The following NOSTRIN variants were observed in gnomAD, a reference collection of about 807,000 sequenced individuals.
NOSTRIN encodes the protein BM247 homolog.
NOSTRIN carries 63 observed loss-of-function variants against 59.0 expected under a neutral mutation model. That is an observed-to-expected ratio of 1.07 (90% confidence interval 0.87 to 1.32). The LOEUF is 1.32. Among genes scored for constraint, NOSTRIN ranks in the 40% most tolerant of loss-of-function variants. The pLI is 0.00. For synonymous variants in NOSTRIN, 200 were observed against 165.4 expected, an observed-to-expected ratio of 1.21 and a Z score of -1.61; for missense variants, 512 against 473.1, an observed-to-expected ratio of 1.08 and a Z score of -0.76.
chr2:168,794,133 G>A (rs1204321963), upstream of NOSTRIN, among the ~76,000 whole-genome samples: 2 of 152,144 alleles, frequency 1.3e-5, no homozygotes, highest in African/African-American at 4.8e-5. Flanking sequence ...TTCCTCCTTG[G>A]ATCTCTCGTT....
At chr2:168,842,286 C>G (rs1688151467) in intron 7 of NOSTRIN, among the ~76,000 whole-genome samples, 1 of 152,154 alleles carries the variant, frequency 6.6e-6, no homozygotes, top group African/African-American at 2.4e-5. Context: ...TCTGAGGCTG[C>G]TTCTGAGGCC....
At chr2:168,840,529 C>CAA (rs59235003) in intron 7 of NOSTRIN, among the ~76,000 whole-genome samples, 1,302 of 99,112 alleles carry the variant, frequency 0.013, 32 homozygotes, top group African/African-American at 0.039. Flanking sequence ...GACTCCATCT[C>CAA]AAAAAAAAAA....
At chr2:168,819,699 T>C (rs1410886088) in intron 2 of NOSTRIN, among the ~76,000 whole-genome samples, 1 of 152,094 alleles carries the variant, frequency 6.6e-6, no homozygotes, top group Non-Finnish European at 1.5e-5. Flanking sequence ...AATGCAAGAG[T>C]AGATGATTGC....
chr2:168,798,130 T>A (rs1369793794), upstream of NOSTRIN: 1 of 152,212 alleles, frequency 6.6e-6, no homozygotes, highest in South Asian at 2.1e-4. Context: ...TTGTTATTTT[T>A]AAAATTATTA....
chr2:168,789,136 C>CTT (rs1043620660), intron 2 of NOSTRIN, among the ~76,000 whole-genome samples: 3 of 152,122 alleles, frequency 2.0e-5, no homozygotes, highest in Non-Finnish European at 2.9e-5. Context: ...TGTGGAACAT[C>CTT]TTTTTGGGCC....
intron 8 of NOSTRIN, among the ~76,000 whole-genome samples, chr2:168,845,522 T>C (rs1458187085): frequency 1.3e-5 from 2 of 152,232 alleles, no homozygotes; most frequent in Non-Finnish European, 2.9e-5. Flanking sequence ...GGGAAGGCTA[T>C]GATTATCTTC....
In NOSTRIN at chr2:168,831,637, G is replaced by A. The variant is rs1687368620; in HGVS notation, c.405+103G>A. 3.0e-5 allele frequency: 21 copies of A among 700,990 alleles called. No individual in the cohort carries two copies. In the South Asian group the frequency reaches 3.5e-4, roughly 12 times the overall value. 43.4% of individuals were successfully genotyped at this position (700,990 alleles called of 1,614,324 possible). A position where few individuals can be genotyped will look rare whatever the true frequency, so the allele number is the denominator to read the frequency against. On this transcript the variant is annotated intron_variant, in intron 6 of 15. Coordinates refer to ENST00000317647, the MANE Select transcript of NOSTRIN (RefSeq NM_001039724.4). ...CATGTTCTAGCATTAGTACTTCTAA[G>A]TGCTAACTGAAGAGAAAAATGTTTC... is the stretch of plus-strand genomic sequence containing the variant.
intron 10 of NOSTRIN, among the ~76,000 whole-genome samples, chr2:168,853,637 C>G (rs1688902258): frequency 6.6e-6 from 1 of 152,200 alleles, no homozygotes; most frequent in African/African-American, 2.4e-5. Flanking sequence ...TTATGACTTG[C>G]ATTCCTTCAA....
intron 1 of NOSTRIN, among the ~76,000 whole-genome samples, chr2:168,806,526 T>C (rs557860944): frequency 2.6e-5 from 4 of 152,138 alleles, no homozygotes; most frequent in Non-Finnish European, 5.9e-5. Flanking sequence ...ATTTTCCTAA[T>C]GGCCGAATGG....
At chr2:168,846,370 G>A (rs978059567) in intron 8 of NOSTRIN, among the ~76,000 whole-genome samples, 2 of 151,922 alleles carry the variant, frequency 1.3e-5, no homozygotes, top group African/African-American at 2.4e-5. Flanking sequence ...TTCATTTTAG[G>A]GTCCTACGAA....
At chr2:168,848,336 C>G (rs78156587) in intron 8 of NOSTRIN, among the ~76,000 whole-genome samples, 1 of 152,178 alleles carries the variant, frequency 6.6e-6, no homozygotes, top group Non-Finnish European at 1.5e-5. Context: ...AGGGGACTGC[C>G]AGCGTAAACC....
chr2:168,839,539 C>CA (rs915440121), intron 7 of NOSTRIN, among the ~76,000 whole-genome samples: 1 of 151,106 alleles, frequency 6.6e-6, no homozygotes, highest in Non-Finnish European at 1.5e-5. Context: ...GTTCCAAGAG[C>CA]AAAAAAAGGG....
Position 168,855,638 on chromosome 2 carries a change from C to CAAAAA in NOSTRIN, c.964+190_964+194dup. The CAAAAA allele has an allele frequency of 1.2e-3, 140 of 116,206 alleles. 1 individual carries two copies. The highest frequency in any genetic ancestry group is 3.6e-3 in the African/African-American group (104 of 28,816). The allele number at this position is 116,206 out of a possible 1,614,324, so 7.2% of individuals were successfully genotyped here. A position where few individuals can be genotyped will look rare whatever the true frequency, so the allele number is the denominator to read the frequency against. ...AAAAAAGTAGAAGAAAAAAGAAAGC[C>CAAAAA]AAAAAAAAAAAAAAAAGGAAAATCA... On this transcript the variant is annotated intron_variant, in intron 11 of 15. Coordinates refer to ENST00000317647, the MANE Select transcript of NOSTRIN (RefSeq NM_001039724.4).
intron 1 of NOSTRIN, among the ~76,000 whole-genome samples, chr2:168,805,690 G>A (rs1352146098): frequency 4.6e-5 from 7 of 152,026 alleles, no homozygotes; most frequent in Admixed American, 1.3e-4. Context: ...GCATGTCATC[G>A]GCCATTGAAA....
intron 7 of NOSTRIN, among the ~76,000 whole-genome samples, 161 bp downstream of exon 7, chr2:168,834,486 GGCGT>G (rs1559122714): frequency 4.3e-5 from 2 of 46,500 alleles, no homozygotes; most frequent in African/African-American, 2.7e-4. Context: ...AATCATTACT[GGCGT>G]GCGCGCGCGC....
intron 7 of NOSTRIN, among the ~76,000 whole-genome samples, chr2:168,840,117 A>C (rs1687985107): frequency 6.6e-6 from 1 of 151,976 alleles, no homozygotes; most frequent in African/African-American, 2.4e-5. Flanking sequence ...ATCCGAGGAC[A>C]ATGATTTAGC....
chr2:168,854,976 C>A (rs895228653), intron 10 of NOSTRIN, among the ~76,000 whole-genome samples: 5 of 152,092 alleles, frequency 3.3e-5, no homozygotes, highest in Admixed American at 3.3e-4. Flanking sequence ...GAAACACATA[C>A]ATGATATTAC....
chr2:168,795,869 C>A (rs1386253838), upstream of NOSTRIN, among the ~76,000 whole-genome samples: 1 of 152,200 alleles, frequency 6.6e-6, no homozygotes. Context: ...CTGCTTCTGC[C>A]ACAGTTTAAA....
chr2:168,838,234 C>G (rs894961979), intron 7 of NOSTRIN, among the ~76,000 whole-genome samples: 30 of 152,170 alleles, frequency 2.0e-4, no homozygotes, highest in African/African-American at 6.8e-4. Context: ...CCTGTGTTCT[C>G]TGTGTCTTTG....
Sources: allele counts gnomAD v4.1 joint callset (sites outside exome capture counted in the v4.1 genomes callset), GRCh38; gene constraint gnomAD v4.1.1; transcripts MANE v1.5; gene names NCBI Gene and HGNC (gene_info 2026-07-23, HGNC 2026-07-21).